Variants in CEP41 observed in about 807,000 individuals in gnomAD.
CEP41 encodes centrosomal protein 41.
CEP41 carries 32 observed loss-of-function variants against 44.3 expected under a neutral mutation model. The ratio of observed to expected loss-of-function variants is 0.72; its 90% CI spans 0.54 to 0.97. CEP41 has a LOEUF of 0.97. CEP41 is among the 50% of genes least tolerant of loss of function. The pLI, the probability that CEP41 is intolerant of heterozygous loss-of-function variation, is 0.00. For missense variants in CEP41, 432 were observed against 455.2 expected (o/e 0.95, Z 0.46); for synonymous variants, 151 against 168.5 (o/e 0.90, Z 0.80).
At chr7:130,437,909 A>G (rs1420967424) in intron 1 of CEP41, among the ~76,000 whole-genome samples, 3 of 152,092 alleles carry the variant, frequency 2.0e-5, no homozygotes, top group Admixed American at 2.0e-4. Flanking sequence ...AACATTTTAG[A>G]CATAAATTTT....
chr7:130,435,843 C>G (rs1365824728), intron 1 of CEP41, among the ~76,000 whole-genome samples: 2 of 152,144 alleles, frequency 1.3e-5, no homozygotes, highest in Admixed American at 1.3e-4. Flanking sequence ...ATGTCCTATA[C>G]TAGTTGAATG....
chr7:130,421,402 G>C, intron 2 of CEP41: 1 of 985,432 alleles, frequency 1.0e-6, no homozygotes, highest in Non-Finnish European at 1.2e-6. Context: ...CATGAAAAGA[G>C]GCACAGTGGT....
At chr7:130,407,426 A>T (rs1797049837) in intron 5 of CEP41, among the ~76,000 whole-genome samples, 1 of 152,140 alleles carries the variant, frequency 6.6e-6, no homozygotes, top group South Asian at 2.1e-4. Flanking sequence ...ATATACATAC[A>T]TAATTAGGGG....
chr7:130,441,243 G>C (rs918926739), upstream of CEP41: 15 of 568,538 alleles, frequency 2.6e-5, no homozygotes, highest in Non-Finnish European at 4.8e-5. Context: ...GCCTTAGGGC[G>C]GGAAGAGAGG....
rs998886600 is a variant in CEP41 at position 130,394,066 on chromosome 7, C to G, written c.*4825G>C. ...AGCGGAGGAAAGTTTTCAAAAGAAT[C>G]TCGGCTGACTAGGAGGGAAGGGAAG... is the stretch of plus-strand genomic sequence containing the variant. On this transcript the variant is annotated 3_prime_UTR_variant, in exon 11 of 11. Coordinates refer to ENST00000223208, the MANE Select transcript of CEP41 (RefSeq NM_018718.3). The G allele has an allele frequency of 2.2e-6, 1 of 453,888 alleles. No homozygotes were observed. The highest frequency in any genetic ancestry group is 2.0e-5 in the African/African-American group (1 of 49,942). The allele number at this position is 453,888 out of a possible 1,614,324, so 28.1% of individuals were successfully genotyped here. A position where few individuals can be genotyped will look rare whatever the true frequency, so the allele number is the denominator to read the frequency against.
intron 5 of CEP41, among the ~76,000 whole-genome samples, chr7:130,406,375 G>A (rs1554418228): frequency 6.6e-6 from 1 of 152,108 alleles, no homozygotes; most frequent in African/African-American, 2.4e-5. Flanking sequence ...CTTGAGGTCA[G>A]GAGTTCGAGA....
At chr7:130,404,822 T>C (rs1242734029) in intron 5 of CEP41, 114 bp from the exon 6 acceptor site, 23 of 913,950 alleles carry the variant, frequency 2.5e-5, no homozygotes, top group Non-Finnish European at 2.1e-5. Flanking sequence ...TATTAAATTG[T>C]CGTGGAAGTG....
chr7:130,411,923 TA>T (rs1469612670), intron 4 of CEP41: 2 of 382,464 alleles, frequency 5.2e-6, no homozygotes, highest in African/African-American at 4.1e-5. Flanking sequence ...AAAAAACCCC[TA>T]ACCACAAGTT....
chr7:130,396,659 C>T lies in CEP41; in HGVS notation c.*2232G>A, dbSNP rs1159696854. ...AAGTAGAATGTTAAAAGCAATACCT[C>T]GAGCACGTAAAGAATGTTTGATATT... is the stretch of plus-strand genomic sequence containing the variant. On this transcript the variant is annotated 3_prime_UTR_variant, in exon 11 of 11. Transcript: ENST00000223208. 8.8e-6 allele frequency: 4 copies of T among 454,412 alleles called. No individual in the cohort carries two copies. The highest frequency in any genetic ancestry group is 6.9e-5 in the East Asian group (1 of 14,408). 28.1% of individuals were successfully genotyped at this position (454,412 alleles called of 1,614,324 possible). A position where few individuals can be genotyped will look rare whatever the true frequency, so the allele number is the denominator to read the frequency against.
At chr7:130,422,054 T>C in intron 2 of CEP41, 1 of 1,534,032 alleles carries the variant, frequency 6.5e-7, no homozygotes, top group Non-Finnish European at 8.7e-7. Context: ...TTCTGAGATT[T>C]CTAGCCATGG....
Position 130,396,029 on chromosome 7 carries a change from G to A in CEP41, c.*2862C>T, listed in dbSNP as rs574540037. On this transcript the variant is annotated 3_prime_UTR_variant, in exon 11 of 11. Coordinates refer to ENST00000223208, the MANE Select transcript of CEP41 (RefSeq NM_018718.3). ...AATGTAGCTTTCTCCTTTCTCTCTC[G>A]CTTTCTGCTTCTTTTCTTCTCTCTG... The A allele has an allele frequency of 9.5e-5, 43 of 453,760 alleles. No individual in the cohort carries two copies. Among genetic ancestry groups the A allele is most frequent in the Non-Finnish European group, 1.7e-4 (38 of 226,734 alleles). The allele number at this position is 453,760 out of a possible 1,614,324, so 28.1% of individuals were successfully genotyped here. A position where few individuals can be genotyped will look rare whatever the true frequency, so the allele number is the denominator to read the frequency against.
chr7:130,402,019 G>T (rs1796859953), intron 7 of CEP41, 71 bp from the exon 8 acceptor site: 2 of 1,038,518 alleles, frequency 1.9e-6, no homozygotes, highest in African/African-American at 1.6e-5. Context: ...TTCCCAGCTG[G>T]TTTAAAATCT....
chr7:130,415,560 G>C (rs557395182), intron 3 of CEP41, among the ~76,000 whole-genome samples: 4 of 152,338 alleles, frequency 2.6e-5, no homozygotes, highest in Admixed American at 2.6e-4. Context: ...TCACCTCCAC[G>C]TAAGGTTTAG....
chr7:130,440,816 CGCCGG>C, intron 1 of CEP41, 113 bp downstream of exon 1: 5 of 654,118 alleles, frequency 7.6e-6, no homozygotes, highest in Non-Finnish European at 1.3e-5. Flanking sequence ...CCCCTCCTCA[CGCCGG>C]CCCCTTCCCG....
chr7:130,420,920 T>G, intron 2 of CEP41: 20 of 978,952 alleles, frequency 2.0e-5, no homozygotes, highest in Non-Finnish European at 2.4e-5. Flanking sequence ...ACACCTGATT[T>G]TCTTTAAACT....
chr7:130,407,253 A>AACAAACAC (rs1177944073), intron 5 of CEP41, among the ~76,000 whole-genome samples: 3 of 129,340 alleles, frequency 2.3e-5, no homozygotes, highest in Admixed American at 1.5e-4. Flanking sequence ...AACAAGAGTA[A>AACAAACAC]ACACACACAC....
chr7:130,440,924 T>C lies in CEP41; in HGVS notation c.33+10A>G. On this transcript the variant is annotated intron_variant, in intron 1 of 10. Coordinates refer to ENST00000223208, the MANE Select transcript of CEP41 (RefSeq NM_018718.3). ...CCCCTCCGGCTCTCCGGCCGAGACC[T>C]GGCCCTCACCTCAGGGTTCCCAATG... is the stretch of plus-strand genomic sequence containing the variant. 1 of 1,611,682 alleles carries C rather than the reference T, an allele frequency of 6.2e-7. No individual in the cohort carries two copies. Among genetic ancestry groups the C allele is most frequent in the Non-Finnish European group, 8.5e-7 (1 of 1,179,986 alleles).
intron 3 of CEP41, among the ~76,000 whole-genome samples, chr7:130,414,528 A>G (rs1797277728): frequency 6.6e-6 from 1 of 152,278 alleles, no homozygotes; most frequent in Non-Finnish European, 1.5e-5. Context: ...GCTTCTAAGC[A>G]TAAAATGTAT....
chr7:130,402,993 C>T (rs1405172129), intron 6 of CEP41, among the ~76,000 whole-genome samples, 194 bp from the exon 7 acceptor site: 1 of 152,198 alleles, frequency 6.6e-6, no homozygotes, highest in Non-Finnish European at 1.5e-5. Flanking sequence ...TTCTACTACA[C>T]TGGACCCCAC....
Sources: allele counts gnomAD v4.1 joint callset (sites outside exome capture counted in the v4.1 genomes callset), GRCh38; gene constraint gnomAD v4.1.1; transcripts MANE v1.5; gene names NCBI Gene and HGNC (gene_info 2026-07-23, HGNC 2026-07-21).